The following SYN1 variants were observed in gnomAD, a reference collection of about 807,000 sequenced individuals.
SYN1 encodes synapsin-1.
Under a neutral mutation model 44.6 loss-of-function variants are expected in SYN1, and 8 were observed. The observed-to-expected ratio is 0.18, with a 90% confidence interval of 0.11 to 0.32. The LOEUF (loss-of-function observed/expected upper bound fraction) is 0.32. Ranked by LOEUF, SYN1 falls within the 10% of genes least tolerant of loss-of-function variation. The pLI is 1.00. For synonymous variants in SYN1, 275 were observed against 280.1 expected (o/e 0.98, Z 0.18); for missense variants, 451 against 639.4 (o/e 0.71, Z 3.18).
intron 5 of SYN1, among the ~76,000 whole-genome samples, chrX:47,602,430 C>T (rs1373067613): frequency 5.4e-5 from 6 of 111,628 alleles, no homozygotes; most frequent in African/African-American, 1.3e-4. Context: ...GAGGCCGAGG[C>T]GGGCAGATTG....
At chrX:47,607,857 C>T (rs1444789735) in intron 1 of SYN1, among the ~76,000 whole-genome samples, 2 of 110,923 alleles carry the variant, frequency 1.8e-5, no homozygotes, top group Non-Finnish European at 3.8e-5. Context: ...CATGGTGAAA[C>T]CCCTTCTCTA....
rs1417942113 is a variant in SYN1 at position 47,575,135 on chromosome X, T to C, written c.1298A>G (p.His433Arg). 1.1e-5 allele frequency: 13 copies of C among 1,187,334 alleles called. No homozygotes were observed. Among genetic ancestry groups the C allele is most frequent in the Non-Finnish European group, 1.4e-5 (12 of 883,597 alleles). ...QRDASPGRGS[H>R]GQTPSPGALP... ...CAGCGCCAGGGGCCTGACCTGGCCA[T>C]GGGAGCCCCTGCCAGGGGAGGCATC... The change falls in exon 10 of 13, where the codon CAT becomes CGT. Residue 433 changes from histidine to arginine, a missense_variant. This residue lies in a region of SYN1 where 315 missense variants were observed against 451.4 expected (regional missense o/e 0.70). Coordinates refer to ENST00000295987, the MANE Select transcript of SYN1 (RefSeq NM_006950.3).
chrX:47,576,400 C>T lies in SYN1; in HGVS notation c.987G>A (p.Thr329=), dbSNP rs371126022. The change falls in exon 8 of 13, where the codon ACG becomes ACA. Residue 329 remains threonine (T), a synonymous_variant. Coordinates refer to ENST00000295987, the MANE Select transcript of SYN1 (RefSeq NM_006950.3). The part of the protein sequence containing the change: ...IGQNYKAYMR[T]SVSGNWKTNT... ...TGGTCTTCCAGTTCCCTGACACTGA[C>T]GTCCTCCTGGGGGACAAGGGGACAG... The T allele has an allele frequency of 8.4e-5, 102 of 1,210,494 alleles. 1 individual carries two copies. In the East Asian group the frequency reaches 2.8e-3, roughly 34 times the overall value.
Position 47,619,849 on chromosome X carries a change from C to A in SYN1, c.-121G>T, listed in dbSNP as rs779385097. ...CACGACACGACTCCTCCGCTGCCCA[C>A]CGCAGACTGAGGCAGCGCTGAGTCG... On this transcript the variant is annotated 5_prime_UTR_variant, in exon 1 of 13. Coordinates refer to ENST00000295987, the MANE Select transcript of SYN1 (RefSeq NM_006950.3). 1.1e-5 allele frequency: 9 copies of A among 785,116 alleles called. No homozygotes were observed. The East Asian group carries it at 3.1e-4, about 27-fold the overall frequency. The allele number at this position is 785,116 out of a possible 1,213,427, so 64.7% of individuals were successfully genotyped here. A position where few individuals can be genotyped will look rare whatever the true frequency, so the allele number is the denominator to read the frequency against.
At chrX:47,591,040 A>G (rs1333475495) in intron 5 of SYN1, among the ~76,000 whole-genome samples, 1 of 111,725 alleles carries the variant, frequency 9.0e-6, no homozygotes, top group African/African-American at 3.3e-5. Flanking sequence ...CTACAGGCAC[A>G]TGCCACCATG....
intron 1 of SYN1, among the ~76,000 whole-genome samples, chrX:47,607,727 G>GAAAAAA (rs5902397): frequency 5.8e-5 from 3 of 51,733 alleles, no homozygotes; most frequent in African/African-American, 1.4e-4. Flanking sequence ...AAAAAAAATT[G>GAAAAAA]AAAAAAAAAA....
At chrX:47,604,520 G>C (rs2057890383) in intron 5 of SYN1, among the ~76,000 whole-genome samples, 1 of 110,976 alleles carries the variant, frequency 9.0e-6, no homozygotes. Flanking sequence ...CAAAGTGCTG[G>C]GATTACAGGC....
intron 5 of SYN1, 123 bp downstream of exon 5, chrX:47,604,855 G>T: frequency 1.5e-6 from 1 of 659,247 alleles, no homozygotes; most frequent in Non-Finnish European, 2.4e-6. Flanking sequence ...GCAACTTCAT[G>T]ACTCCACGTG....
At chrX:47,585,344 C>T (rs1444696668) in intron 5 of SYN1, 8 of 1,209,673 alleles carry the variant, frequency 6.6e-6, no homozygotes, top group African/African-American at 3.5e-5. Flanking sequence ...GAGGCACCGT[C>T]CCCGCGCCCT....
At chrX:47,599,743 C>T (rs1013286605) in intron 5 of SYN1, among the ~76,000 whole-genome samples, 2 of 111,709 alleles carry the variant, frequency 1.8e-5, no homozygotes, top group Non-Finnish European at 3.8e-5. Flanking sequence ...ACACTGCAGC[C>T]GCAAGTGCCA....
At chrX:47,605,971 T>C (rs187244375) in intron 3 of SYN1, among the ~76,000 whole-genome samples, 244 of 110,185 alleles carry the variant, frequency 2.2e-3, no homozygotes, top group African/African-American at 7.0e-3. Context: ...TGGCTCACTG[T>C]AATCTCCGCC....
At position 47,619,426 on chromosome X, in the gene SYN1, G is replaced by C; in HGVS notation, c.303C>G (p.Gly101=). 8.4e-7 allele frequency: 1 copy of C among 1,191,581 alleles called. No homozygotes were observed. Among genetic ancestry groups the C allele is most frequent in the Non-Finnish European group, 1.1e-6 (1 of 890,717 alleles). The stretch of plus-strand genomic sequence containing the variant: ...CCCCGCGGCCTGCGCCCCCAGAGCC[G>C]CCGCCCACCTGCTCGCTGAAGGTGG... ...AAATFSEQVG[G]GSGGAGRGGA... The change falls in exon 1 of 13, where the codon GGC becomes GGG. Residue 101 remains glycine (G), a synonymous_variant. Coordinates refer to ENST00000295987, the MANE Select transcript of SYN1 (RefSeq NM_006950.3).
At chrX:47,589,142 A>G (rs1238545141) in intron 5 of SYN1, among the ~76,000 whole-genome samples, 1 of 107,430 alleles carries the variant, frequency 9.3e-6, no homozygotes, top group African/African-American at 3.4e-5. Context: ...CTAAATATAC[A>G]AAATTTAGCC....
At chrX:47,612,939 C>T (rs1478000808) in intron 1 of SYN1, among the ~76,000 whole-genome samples, 1 of 110,219 alleles carries the variant, frequency 9.1e-6, no homozygotes, top group Non-Finnish European at 1.9e-5. Context: ...TCAAGACCAG[C>T]TTAGCCAATG....
chrX:47,611,095 T>C (rs2057915396), intron 1 of SYN1, among the ~76,000 whole-genome samples: 1 of 111,561 alleles, frequency 9.0e-6, no homozygotes, highest in South Asian at 3.8e-4. Flanking sequence ...TGGCATACTT[T>C]GTAGTTGTCA....
intron 5 of SYN1, among the ~76,000 whole-genome samples, chrX:47,596,535 C>A (rs1273928511): frequency 2.7e-5 from 3 of 112,495 alleles, no homozygotes. Flanking sequence ...CACACCCTGA[C>A]ATGCACATAG....
At chrX:47,589,438 CA>C (rs200553434) in intron 5 of SYN1, among the ~76,000 whole-genome samples, 421 of 96,413 alleles carry the variant, frequency 4.4e-3, no homozygotes, top group East Asian at 9.5e-3. Context: ...CTAAAAATAC[CA>C]AAAAAAAAAA....
chrX:47,577,133 C>T (rs985832155), intron 6 of SYN1, among the ~76,000 whole-genome samples: 11 of 110,589 alleles, frequency 9.9e-5, no homozygotes, highest in Non-Finnish European at 1.9e-4. Flanking sequence ...CATGTGTGTT[C>T]GGCACAGGCA....
intron 1 of SYN1, 117 bp downstream of exon 1, chrX:47,619,235 A>C (rs1603078400): frequency 1.9e-6 from 2 of 1,056,671 alleles, no homozygotes; most frequent in East Asian, 6.5e-5. Context: ...TAAAGGAAAA[A>C]GATTTAGGTG....
Sources: gnomAD v4.1 joint callset for allele counts (sites outside exome capture counted in the v4.1 genomes callset) on GRCh38, gnomAD v4.1.1 for gene constraint, gnomAD v4.1.1 regional missense constraint, MANE v1.5 for transcripts, NCBI Gene and HGNC (gene_info 2026-07-23, HGNC 2026-07-21) for gene names.